The following RPL17 variants were observed in gnomAD, a reference collection of about 807,000 sequenced individuals.
The protein encoded by RPL17 is large ribosomal subunit protein uL22.
RPL17 carries 2 observed loss-of-function variants against 27.7 expected under a neutral mutation model. The observed-to-expected ratio is 0.07, with a 90% confidence interval of 0.03 to 0.23. The LOEUF (loss-of-function observed/expected upper bound fraction) is 0.23. RPL17 is among the 10% of genes least tolerant of loss of function. The probability of loss-of-function intolerance (pLI) is 1.00; values close to 1 mark genes in which losing one functional copy is unlikely to be tolerated. For missense variants in RPL17, 141 were observed against 238.8 expected, an observed-to-expected ratio of 0.59 and a Z score of 2.70; for synonymous variants, 76 against 75.5, an observed-to-expected ratio of 1.01 and a Z score of -0.03.
intron 5 of RPL17, 158 bp downstream of exon 5, chr18:49,490,296 A>G: frequency 3.7e-6 from 3 of 800,480 alleles, no homozygotes; most frequent in Non-Finnish European, 5.7e-6. Context: ...CAAAAAAAAT[A>G]AAAGGAAATA....
chr18:49,491,515 A>AC lies in RPL17; in HGVS notation c.40+16dup. The AC allele has an allele frequency of 6.2e-7, 1 of 1,614,094 alleles. No homozygotes were observed. The highest frequency in any genetic ancestry group is 1.1e-5 in the South Asian group (1 of 91,080). On this transcript the variant is annotated intron_variant, in intron 2 of 6. Transcript: ENST00000580261. ...AGCCCCAAGTAGGAAATGGGTATCT[A>AC]CCTCCTGTCCACTTACATTTCGTGG...
At chr18:49,491,215 G>C in intron 3 of RPL17, 190 bp downstream of exon 3, 1 of 1,013,892 alleles carries the variant, frequency 9.9e-7, no homozygotes. Flanking sequence ...TGGTTTTCTG[G>C]TACTACTTCT....
intron 5 of RPL17, chr18:49,490,240 C>T (rs920057718): frequency 1.8e-6 from 1 of 540,550 alleles, no homozygotes; most frequent in Non-Finnish European, 3.3e-6. Flanking sequence ...AAAGAGACCA[C>T]AGAGCACGCT....
Position 49,491,591 on chromosome 18 carries a change from G to A in RPL17, c.-13-7C>T. 6 of 1,614,164 alleles carry A rather than the reference G, an allele frequency of 3.7e-6. No individual in the cohort carries two copies. Among genetic ancestry groups the A allele is most frequent in the East Asian group, 2.2e-5 (1 of 44,878 alleles). Reference sequence around the variant, plus strand: ...AACCATTTTCACAGATCACCTAGAGGAAAGTACAGTGTAATTCTGTCAATA... The same window carrying A: ...AACCATTTTCACAGATCACCTAGAGAAAAGTACAGTGTAATTCTGTCAATA... On this transcript the variant is annotated splice_region_variant and splice_polypyrimidine_tract_variant and intron_variant, in intron 1 of 6. Transcript: ENST00000580261.
Position 49,490,947 on chromosome 18 carries a change from T to C in RPL17, c.82-20A>G, listed in dbSNP as rs772722633. 4.3e-6 allele frequency: 7 copies of C among 1,613,502 alleles called. No individual in the cohort carries two copies. In the African/African-American group the frequency reaches 9.3e-5, roughly 22 times the overall value. ...AGTGTTCTAAGTATGAAGAATAAAG[T>C]GTTGGTTAACTAGATCAAAGCTTTA... On this transcript the variant is annotated intron_variant, in intron 3 of 6. Transcript: ENST00000580261.
intron 5 of RPL17, 31 bp downstream of exon 5, chr18:49,490,423 A>C (rs1453116742): frequency 3.7e-6 from 6 of 1,609,186 alleles, no homozygotes; most frequent in Non-Finnish European, 5.1e-6. Context: ...ACAACCACCC[A>C]AGTTGCACAG....
chr18:49,489,236 G>C, intron 6 of RPL17, 123 bp downstream of exon 6: 2 of 1,033,320 alleles, frequency 1.9e-6, no homozygotes, highest in Admixed American at 5.8e-5. Context: ...AAATAAGACA[G>C]GTGAAAGGGT....
chr18:49,489,714 A>T (rs2083916103), intron 5 of RPL17, among the ~76,000 whole-genome samples, 164 bp from the exon 6 acceptor site: 1 of 152,176 alleles, frequency 6.6e-6, no homozygotes, highest in Non-Finnish European at 1.5e-5. Flanking sequence ...GCATTTTTTT[A>T]ACCAGTTGTC....
chr18:49,491,535 T>C lies in RPL17; in HGVS notation c.37A>G (p.Lys13Glu). 1.9e-6 allele frequency: 3 copies of C among 1,614,240 alleles called. No homozygotes were observed. Among genetic ancestry groups the C allele is most frequent in the Non-Finnish European group, 2.5e-6 (3 of 1,180,046 alleles). ...TATCTACCTCCTGTCCACTTACATTTCGTGGGGTTCTCCGGGTCAAGTGAA... is the reference window on the plus strand; with the variant it reads ...TATCTACCTCCTGTCCACTTACATTCCGTGGGGTTCTCCGGGTCAAGTGAA... ...RYSLDPENPT[K>E]SCKSRGSNLR... Residue 13 changes from lysine (K) to glutamate (E), a missense_variant, in exon 2 of 7, where the codon AAA (lysine) becomes GAA (glutamate). Physicochemically the swap from Lys to Glu is moderately conservative, Grantham distance 56. Around this residue, in one of 2 missense-constraint regions of RPL17, gnomAD observed 107 missense variants for 150.1 expected, o/e 0.71. Coordinates refer to ENST00000580261, the MANE Select transcript of RPL17 (RefSeq NM_001035006.5).
intron 6 of RPL17, 34 bp from the exon 7 acceptor site, chr18:49,488,600 G>C (rs1191849159): frequency 7.8e-7 from 1 of 1,282,992 alleles, no homozygotes; most frequent in Non-Finnish European, 1.1e-6. Flanking sequence ...GTTTCTTAGA[G>C]AAAACCACAG....
chr18:49,491,957 G>A (rs1476340460), intron 1 of RPL17: 1 of 378,710 alleles, frequency 2.6e-6, no homozygotes, highest in African/African-American at 2.1e-5. Context: ...CCGCTCTACA[G>A]AAACCCCTTT....
chr18:49,490,286 CA>C (rs912309162), intron 5 of RPL17, 167 bp downstream of exon 5: 236 of 739,178 alleles, frequency 3.2e-4, no homozygotes, highest in Middle Eastern at 8.1e-4. Flanking sequence ...TAAAGGGACT[CA>C]AAAAAAATAA....
At chr18:49,491,645 A>G (rs2084091946) in intron 1 of RPL17, 61 bp from the exon 2 acceptor site, 1 of 1,578,582 alleles carries the variant, frequency 6.3e-7, no homozygotes, top group Non-Finnish European at 8.7e-7. Context: ...TTCAGTATAA[A>G]TATCAGATGA....
intron 3 of RPL17, chr18:49,491,196 G>A (rs2084045395): frequency 4.2e-6 from 4 of 953,864 alleles, no homozygotes; most frequent in Non-Finnish European, 6.8e-6. Flanking sequence ...TGCACACTAG[G>A]TTTTCAAATG....
At chr18:49,489,963 T>C (rs890754774) in intron 5 of RPL17, among the ~76,000 whole-genome samples, 3 of 152,228 alleles carry the variant, frequency 2.0e-5, no homozygotes, top group African/African-American at 4.8e-5. Flanking sequence ...ATGGGTAATA[T>C]ACAAAATGGA....
intron 3 of RPL17, chr18:49,491,158 AT>A: frequency 1.1e-6 from 1 of 892,238 alleles, no homozygotes; most frequent in South Asian, 1.5e-5. Context: ...TCATCATGTA[AT>A]TACAATTAAA....
At chr18:49,489,639 G>T in intron 5 of RPL17, 89 bp from the exon 6 acceptor site, 1 of 1,391,874 alleles carries the variant, frequency 7.2e-7, no homozygotes, top group Non-Finnish European at 9.8e-7. Context: ...GAATTCCCAG[G>T]CTTGCTCCAG....
intron 4 of RPL17, 113 bp from the exon 5 acceptor site, chr18:49,490,665 A>G (rs2084003073): frequency 1.9e-6 from 3 of 1,587,026 alleles, no homozygotes; most frequent in Non-Finnish European, 2.6e-6. Flanking sequence ...TTCACCATCA[A>G]TCCAAGGTGT....
intron 1 of RPL17, chr18:49,491,929 C>T (rs2084124089): frequency 2.5e-6 from 1 of 403,306 alleles, no homozygotes; most frequent in Middle Eastern, 7.9e-4. Flanking sequence ...AACCGTAACC[C>T]TCTACACCTC....
Sources: allele counts gnomAD v4.1 joint callset (sites outside exome capture counted in the v4.1 genomes callset), GRCh38; gene constraint gnomAD v4.1.1; regional missense constraint gnomAD v4.1.1; transcripts MANE v1.5; gene names NCBI Gene and HGNC (gene_info 2026-07-23, HGNC 2026-07-21).